Variants in IGSF21 observed in about 807,000 individuals in gnomAD.
The protein encoded by IGSF21 is immunoglobulin superfamily member 21.
IGSF21 carries 28 observed loss-of-function variants against 46.8 expected under a neutral mutation model. The ratio of observed to expected loss-of-function variants is 0.60; its 90% CI spans 0.44 to 0.82. The LOEUF (loss-of-function observed/expected upper bound fraction) is 0.82, where lower values mean the gene tolerates loss of function less well. Ranked by LOEUF, IGSF21 falls within the 40% of genes least tolerant of loss-of-function variation. IGSF21 has a pLI of 0.00. For synonymous variants in IGSF21, 284 were observed against 273.6 expected, an observed-to-expected ratio of 1.04 and a Z score of -0.38; for missense variants, 624 against 665.5, an observed-to-expected ratio of 0.94 and a Z score of 0.69.
chr1:18,167,626 T>G (rs1245737000), intron 1 of IGSF21: 3 of 152,126 alleles, frequency 2.0e-5, no homozygotes, highest in African/African-American at 7.2e-5. Flanking sequence ...GCGTGGGGTT[T>G]ATGGTGAGCC....
At chr1:18,324,914 T>C (rs533423474) in intron 3 of IGSF21, among the ~76,000 whole-genome samples, 2 of 152,326 alleles carry the variant, frequency 1.3e-5, no homozygotes, top group Admixed American at 6.5e-5. Context: ...AAACTTCGCC[T>C]TCACAGGCAG....
At chr1:18,341,358 A>G (rs532490264) in intron 4 of IGSF21, among the ~76,000 whole-genome samples, 2 of 151,958 alleles carry the variant, frequency 1.3e-5, no homozygotes, top group Non-Finnish European at 2.9e-5. Context: ...CAAGGACCCT[A>G]TTTCCAAATA....
intron 1 of IGSF21, among the ~76,000 whole-genome samples, chr1:18,126,591 T>G (rs9661616): frequency 0.24 from 35,926 of 152,092 alleles, 4,656 homozygotes; most frequent in Non-Finnish European, 0.3. Flanking sequence ...ACTGCGGCAG[T>G]GCCCCCCTAC....
At chr1:18,351,309 G>T (rs187269352) in intron 4 of IGSF21, among the ~76,000 whole-genome samples, 61 of 151,952 alleles carry the variant, frequency 4.0e-4, no homozygotes, top group Admixed American at 8.5e-4. Context: ...TTCTATGGGT[G>T]GGGGGGTAGG....
chr1:18,268,976 A>G (rs576223151), intron 2 of IGSF21, among the ~76,000 whole-genome samples: 15 of 152,344 alleles, frequency 9.8e-5, no homozygotes, highest in African/African-American at 3.6e-4. Flanking sequence ...CTGTGCCTGT[A>G]ACAATTCAGG....
At chr1:18,194,956 C>T (rs945034037) in intron 1 of IGSF21, among the ~76,000 whole-genome samples, 4 of 152,212 alleles carry the variant, frequency 2.6e-5, no homozygotes, top group African/African-American at 9.6e-5. Context: ...TACATGGCAG[C>T]AGGCAAAAGA....
At chr1:18,140,510 G>A (rs2086405836) in intron 1 of IGSF21, among the ~76,000 whole-genome samples, 1 of 152,204 alleles carries the variant, frequency 6.6e-6, no homozygotes, top group Non-Finnish European at 1.5e-5. Context: ...GTGAGGATCT[G>A]GAAAGCACTG....
intron 4 of IGSF21, among the ~76,000 whole-genome samples, chr1:18,344,470 C>G (rs970666416): frequency 6.6e-6 from 1 of 152,158 alleles, no homozygotes; most frequent in African/African-American, 2.4e-5. Flanking sequence ...CAGACCTCAC[C>G]CCTCTCAGAG....
intron 1 of IGSF21, among the ~76,000 whole-genome samples, chr1:18,136,819 T>C (rs2086371654): frequency 6.6e-6 from 1 of 152,178 alleles, no homozygotes; most frequent in Admixed American, 6.5e-5. Context: ...TTGATGGGGA[T>C]GGCATTGAAT....
intron 1 of IGSF21, among the ~76,000 whole-genome samples, chr1:18,158,280 C>T (rs972790310): frequency 2.6e-5 from 4 of 152,222 alleles, no homozygotes; most frequent in African/African-American, 7.2e-5. Flanking sequence ...GCCAACAGGC[C>T]ACTAAACCAC....
intron 2 of IGSF21, among the ~76,000 whole-genome samples, chr1:18,246,653 C>T (rs1255969890): frequency 2.0e-5 from 3 of 152,172 alleles, no homozygotes; most frequent in African/African-American, 7.2e-5. Flanking sequence ...CTCCAAACTC[C>T]ATGCTTGGGA....
At chr1:18,264,310 C>T (rs1439674698) in intron 2 of IGSF21, among the ~76,000 whole-genome samples, 1 of 152,150 alleles carries the variant, frequency 6.6e-6, no homozygotes, top group Admixed American at 6.5e-5. Context: ...TGCCCGGCCC[C>T]CAACCCTTAA....
At chr1:18,174,817 G>A (rs535734810) in intron 1 of IGSF21, among the ~76,000 whole-genome samples, 3 of 152,348 alleles carry the variant, frequency 2.0e-5, no homozygotes, top group Non-Finnish European at 4.4e-5. Context: ...TGCCCTGACA[G>A]TGGTTCTTGA....
intron 4 of IGSF21, among the ~76,000 whole-genome samples, chr1:18,340,822 A>G (rs1459131827): frequency 6.6e-6 from 1 of 151,872 alleles, no homozygotes; most frequent in African/African-American, 2.4e-5. Context: ...CTCTCATCAT[A>G]TGGCCTTCTC....
intron 6 of IGSF21, among the ~76,000 whole-genome samples, chr1:18,369,835 G>A (rs1205566847): frequency 6.6e-6 from 1 of 152,186 alleles, no homozygotes; most frequent in Non-Finnish European, 1.5e-5. Context: ...AACCCTTTGA[G>A]CTGTTTGTGC....
intron 1 of IGSF21, among the ~76,000 whole-genome samples, chr1:18,117,913 G>C (rs568417887): frequency 6.6e-6 from 1 of 152,324 alleles, no homozygotes; most frequent in Non-Finnish European, 1.5e-5. Flanking sequence ...CATGCACTGA[G>C]CATGATGTGG....
At chr1:18,287,762 G>A (rs1557626048) in intron 2 of IGSF21, among the ~76,000 whole-genome samples, 1 of 152,150 alleles carries the variant, frequency 6.6e-6, no homozygotes, top group South Asian at 2.1e-4. Flanking sequence ...ATGACTACTA[G>A]CAAATTCTCG....
chr1:18,310,231 A>G (rs539475730), intron 3 of IGSF21, among the ~76,000 whole-genome samples: 25 of 152,180 alleles, frequency 1.6e-4, no homozygotes, highest in Non-Finnish European at 3.5e-4. Flanking sequence ...TAAGGGCTTT[A>G]TAAAGGAGTT....
At chr1:18,324,888 G>A (rs534122399) in intron 3 of IGSF21, among the ~76,000 whole-genome samples, 6 of 152,178 alleles carry the variant, frequency 3.9e-5, no homozygotes, top group Middle Eastern at 3.2e-3. Context: ...TTCCGTCTTC[G>A]GTATCCTTGG....
Sources: gnomAD v4.1 joint callset for allele counts (sites outside exome capture counted in the v4.1 genomes callset) on GRCh38, gnomAD v4.1.1 for gene constraint, MANE v1.5 for transcripts, NCBI Gene and HGNC (gene_info 2026-07-23, HGNC 2026-07-21) for gene names.